Variants in LRRK1 observed in about 807,000 individuals in gnomAD.
LRRK1 encodes the protein leucine rich repeat kinase 1, also known as leucine-rich repeat serine/threonine-protein kinase 1.
Under a neutral mutation model 209.1 loss-of-function variants are expected in LRRK1, and 113 were observed. The ratio of observed to expected loss-of-function variants is 0.54; its 90% CI spans 0.46 to 0.63. The LOEUF (loss-of-function observed/expected upper bound fraction) is 0.63. LRRK1 is among the 30% of genes least tolerant of loss of function. The probability of loss-of-function intolerance (pLI) is 0.00; values close to 1 mark genes in which losing one functional copy is unlikely to be tolerated. For synonymous variants in LRRK1, 1,144 were observed against 1,099.7 expected (o/e 1.04, Z -0.80); for missense variants, 2,284 against 2,632.2 (o/e 0.87, Z 2.89).
At chr15:100,939,741 C>T (rs921921601) in intron 2 of LRRK1, among the ~76,000 whole-genome samples, 4 of 152,138 alleles carry the variant, frequency 2.6e-5, no homozygotes, top group African/African-American at 9.7e-5. Context: ...CTTCCATTAA[C>T]TCTGTGGTAC....
At chr15:100,922,802 C>G (rs1049771452) in intron 1 of LRRK1, among the ~76,000 whole-genome samples, 6 of 148,848 alleles carry the variant, frequency 4.0e-5, no homozygotes, top group Non-Finnish European at 7.4e-5. Flanking sequence ...ACAGGTGTTT[C>G]CCACACGTGG....
At chr15:100,984,557 A>T (rs1596236540) in intron 4 of LRRK1, among the ~76,000 whole-genome samples, 1 of 149,410 alleles carries the variant, frequency 6.7e-6, no homozygotes, top group Non-Finnish European at 1.5e-5. Context: ...TTTCCAGAAC[A>T]TCGCTCTAGT....
chr15:100,990,738 A>C (rs575708836), intron 6 of LRRK1, among the ~76,000 whole-genome samples: 1 of 145,820 alleles, frequency 6.9e-6, no homozygotes, highest in East Asian at 2.0e-4. Flanking sequence ...TTTTTTGAAC[A>C]TTAGAGATTT....
chr15:101,025,082 G>C, intron 16 of LRRK1, 115 bp downstream of exon 16: 2 of 1,071,058 alleles, frequency 1.9e-6, no homozygotes, highest in Non-Finnish European at 2.6e-6. Flanking sequence ...TTGCCACAGA[G>C]GGCCCCAGAA....
chr15:101,021,633 C>T (rs2033792364), intron 13 of LRRK1: 2 of 551,718 alleles, frequency 3.6e-6, no homozygotes, highest in Non-Finnish European at 6.4e-6. Context: ...AATTCTAAGC[C>T]GTGGGGATTT....
At chr15:100,951,608 A>G (rs2042653365) in intron 2 of LRRK1, among the ~76,000 whole-genome samples, 2 of 152,196 alleles carry the variant, frequency 1.3e-5, no homozygotes, top group Admixed American at 6.5e-5. Context: ...TTACGCAGCA[A>G]TAGCAAGGAA....
intron 7 of LRRK1, among the ~76,000 whole-genome samples, chr15:101,010,156 A>AGG: frequency 6.6e-6 from 1 of 152,362 alleles, no homozygotes; most frequent in South Asian, 2.1e-4. Context: ...TGGTCTCAGC[A>AGG]GCTTTCAGGG....
chr15:100,940,304 G>A (rs2042376936), intron 2 of LRRK1, among the ~76,000 whole-genome samples: 1 of 151,420 alleles, frequency 6.6e-6, no homozygotes, highest in South Asian at 2.1e-4. Context: ...TACTCTTCTT[G>A]ACTAGTATCC....
At chr15:100,984,797 C>T (rs2031783394) in intron 4 of LRRK1, among the ~76,000 whole-genome samples, 1 of 152,040 alleles carries the variant, frequency 6.6e-6, no homozygotes, top group African/African-American at 2.4e-5. Flanking sequence ...GGTCTTGGCT[C>T]AGAAACACTG....
At chr15:100,977,495 G>T (rs1490466838) in intron 3 of LRRK1, among the ~76,000 whole-genome samples, 1 of 152,178 alleles carries the variant, frequency 6.6e-6, no homozygotes, top group African/African-American at 2.4e-5. Flanking sequence ...ACCATCAGTG[G>T]ACAGCATGTG....
Position 101,027,899 on chromosome 15 carries a change from C to A in LRRK1, c.2686+102C>A. The A allele has an allele frequency of 9.1e-7, 1 of 1,093,708 alleles. No homozygotes were observed. The highest frequency in any genetic ancestry group is 1.3e-6 in the Non-Finnish European group (1 of 774,178). The allele number at this position is 1,093,708 out of a possible 1,614,324, so 67.8% of individuals were successfully genotyped here. A position where few individuals can be genotyped will look rare whatever the true frequency, so the allele number is the denominator to read the frequency against. On this transcript the variant is annotated intron_variant, in intron 19 of 33. Coordinates refer to ENST00000388948, the MANE Select transcript of LRRK1 (RefSeq NM_024652.6). The surrounding 1 kb of genome is among the most constrained non-coding windows in gnomAD (Gnocchi z 5.1). The stretch of plus-strand genomic sequence containing the variant: ...TCAGTAATGAATGAGAGACCGACAC[C>A]CAGCCTGCGTTTCTGCCTTCCATCC...
chr15:101,022,517 G>A lies in LRRK1; in HGVS notation c.1987G>A (p.Ala663Thr). The change falls in exon 15 of 34, where the codon GCC becomes ACC. Residue 663 changes from alanine to threonine, a missense_variant. Coordinates refer to ENST00000388948, the MANE Select transcript of LRRK1 (RefSeq NM_024652.6). This position sits in a 1 kb window ranked among gnomAD's most constrained non-coding sequence, Gnocchi z 4.0. ...TLLEILQTGRAPQVVHGEATI... is the reference protein window; with the variant it reads ...TLLEILQTGRTPQVVHGEATI... ...CCTGGAGATCTTACAGACGGGGAGG[G>A]CCCCCCAGGTGGTGCATGGAGAGGC... The A allele has an allele frequency of 6.2e-7, 1 of 1,614,108 alleles. No individual in the cohort carries two copies. Among genetic ancestry groups the A allele is most frequent in the Non-Finnish European group, 8.5e-7 (1 of 1,180,016 alleles).
chr15:100,957,886 G>GA (rs1381669555), intron 2 of LRRK1, among the ~76,000 whole-genome samples: 1 of 152,218 alleles, frequency 6.6e-6, no homozygotes, highest in East Asian at 1.9e-4. Context: ...TTGTTGCTGA[G>GA]ACGGAGTCTC....
chr15:100,935,050 C>G (rs4965344), intron 2 of LRRK1, among the ~76,000 whole-genome samples: 2,812 of 152,274 alleles, frequency 0.018, 115 homozygotes, highest in East Asian at 0.12. Context: ...AGCCCTCCCT[C>G]TTGTGCCTGG....
At position 101,012,620 on chromosome 15, in the gene LRRK1, G is replaced by A. The variant is rs984255014; in HGVS notation, c.1419+475G>A. On this transcript the variant is annotated intron_variant, in intron 10 of 33. Transcript: ENST00000388948. ...TCAGGGCAGCCTCACCAGGGGCCCT[G>A]TAGTGGACCCCCAGGCAGAGTGCCC... Among the ~76,000 whole-genome samples, 7 of 152,280 alleles carry A rather than the reference G, an allele frequency of 4.6e-5. No individual in the cohort carries two copies. The East Asian group carries it at 1.2e-3, about 25-fold the overall frequency.
rs541640896 is a variant in LRRK1, at chr15:101,056,916, C to T, written c.4393C>T (p.Leu1465=). 2 of 1,614,182 alleles carry T rather than the reference C, an allele frequency of 1.2e-6. No homozygotes were observed. The highest frequency in any genetic ancestry group is 1.1e-5 in the South Asian group (1 of 91,084). The part of the protein sequence containing the change: ...YELLSGQRPA[L]GHHQLQIAKK... ...GTTGCTGTCAGGACAGCGCCCTGCACTGGGCCACCACCAGCTCCAGATTGC... is the reference window on the plus strand; with the variant it reads ...GTTGCTGTCAGGACAGCGCCCTGCATTGGGCCACCACCAGCTCCAGATTGC... The change falls in exon 28 of 34, where the codon CTG becomes TTG. Residue 1465 remains leucine, a synonymous_variant. Coordinates refer to ENST00000388948, the MANE Select transcript of LRRK1 (RefSeq NM_024652.6).
At chr15:101,050,484 G>A (rs1233697905) in intron 23 of LRRK1, among the ~76,000 whole-genome samples, 5 of 151,534 alleles carry the variant, frequency 3.3e-5, no homozygotes, top group East Asian at 1.9e-4. Context: ...AGCCCTGAAC[G>A]CTGGAGGCCA....
intron 23 of LRRK1, chr15:101,050,684 G>C (rs1443546530): frequency 6.6e-6 from 1 of 152,454 alleles, no homozygotes; most frequent in East Asian, 1.9e-4. Context: ...TGGCTAAGAG[G>C]CAGTGGCAGA....
At chr15:100,998,918 G>C (rs571358525) in intron 6 of LRRK1, among the ~76,000 whole-genome samples, 1 of 152,302 alleles carries the variant, frequency 6.6e-6, no homozygotes, top group African/African-American at 2.4e-5. Context: ...ATGGATGAAT[G>C]AATGGGTGGA....
Sources: gnomAD v4.1 joint callset for allele counts (sites outside exome capture counted in the v4.1 genomes callset) on GRCh38, gnomAD v4.1.1 for gene constraint, Gnocchi (gnomAD v3.1) non-coding constraint, MANE v1.5 for transcripts, NCBI Gene and HGNC (gene_info 2026-07-23, HGNC 2026-07-21) for gene names.